The following MLLT3 variants were observed in gnomAD, a reference collection of about 807,000 sequenced individuals.
The protein encoded by MLLT3 is protein AF-9.
MLLT3 carries 4 observed loss-of-function variants against 53.2 expected under a neutral mutation model. The ratio of observed to expected loss-of-function variants is 0.08; its 90% CI spans 0.04 to 0.17. The LOEUF is 0.17. Ranked by LOEUF, MLLT3 falls within the 10% of genes least tolerant of loss-of-function variation. MLLT3 has a pLI of 1.00. For missense variants in MLLT3, 569 were observed against 684.0 expected (o/e 0.83, Z 1.87); for synonymous variants, 283 against 230.6 (o/e 1.23, Z -2.06).
chr9:20,428,560 A>T (rs565540842), intron 4 of MLLT3, among the ~76,000 whole-genome samples: 1 of 152,228 alleles, frequency 6.6e-6, no homozygotes, highest in South Asian at 2.1e-4. Context: ...TTAAAATAGG[A>T]CTTGAAAAAA....
Position 20,620,709 on chromosome 9 carries a change from G to C in MLLT3, c.138C>G (p.His46Gln). The C allele has an allele frequency of 6.2e-7, 1 of 1,614,192 alleles. No individual in the cohort carries two copies. The highest frequency in any genetic ancestry group is 8.5e-7 in the Non-Finnish European group (1 of 1,180,016). Residue 46 changes from histidine to glutamine, a missense_variant, in exon 2 of 11, where the codon CAC becomes CAG. Around this residue, in one of 5 missense-constraint regions of MLLT3, gnomAD observed 35 missense variants for 136.8 expected, o/e 0.26. Transcript: ENST00000380338. This position sits in a 1 kb window ranked among gnomAD's most constrained non-coding sequence, Gnocchi z 6.1. ...AGTGGAAGACGACTTTCTCCACAAA[G>C]TGCTGTATGTTACTGTGCTCCGGAC... ...VRGPEHSNIQHFVEKVVFHLH... is the reference protein window; with the variant it reads ...VRGPEHSNIQQFVEKVVFHLH...
intron 2 of MLLT3, among the ~76,000 whole-genome samples, chr9:20,618,903 G>A (rs1040453435): frequency 2.6e-5 from 4 of 152,098 alleles, no homozygotes; most frequent in African/African-American, 7.2e-5. Context: ...TACCTTAAGA[G>A]CTACATCTTC....
At chr9:20,556,865 C>T (rs1039365056) in intron 2 of MLLT3, among the ~76,000 whole-genome samples, 4 of 151,772 alleles carry the variant, frequency 2.6e-5, no homozygotes, top group African/African-American at 9.7e-5. Context: ...TGTAAAAGGC[C>T]TATTTTTAAA....
chr9:20,487,580 T>C (rs1267445512), intron 2 of MLLT3, among the ~76,000 whole-genome samples: 2 of 152,174 alleles, frequency 1.3e-5, no homozygotes, highest in East Asian at 1.9e-4. Flanking sequence ...ACAAGAAAGA[T>C]GGCCATTTCC....
intron 2 of MLLT3, among the ~76,000 whole-genome samples, chr9:20,553,096 C>G (rs571189835): frequency 3.0e-4 from 45 of 152,254 alleles, no homozygotes; most frequent in African/African-American, 9.9e-4. Flanking sequence ...TTCTTCACCA[C>G]CAGAGGTCAG....
intron 2 of MLLT3, among the ~76,000 whole-genome samples, chr9:20,564,101 G>A (rs558198368): frequency 1.3e-5 from 2 of 151,994 alleles, no homozygotes; most frequent in African/African-American, 2.4e-5. Flanking sequence ...CTAAATATAC[G>A]GGCCTATCTT....
intron 2 of MLLT3, among the ~76,000 whole-genome samples, chr9:20,506,232 G>C (rs1426961974): frequency 6.6e-6 from 1 of 152,112 alleles, no homozygotes; most frequent in African/African-American, 2.4e-5. Flanking sequence ...TTTGAGACGA[G>C]GTTTCTCCAT....
Position 20,414,301 on chromosome 9 carries a change from C to T in MLLT3, c.545G>A (p.Ser182Asn), listed in dbSNP as rs1278026103. ...ACTACTGCTGCTGCTGCTGCTGCTA[C>T]TGCTGCTGCTACTGCTGCTGCTGCT... is the stretch of plus-strand genomic sequence containing the variant. Reference protein sequence around the residue: ...SSSSSSSSSSSSSSSSSSSTS... With the variant: ...SSSSSSSSSSNSSSSSSSSTS... Residue 182 changes from serine to asparagine, a missense_variant, in exon 5 of 11, where the codon AGT becomes AAT. Coordinates refer to ENST00000380338, the MANE Select transcript of MLLT3 (RefSeq NM_004529.4). 1 of 1,610,710 alleles carries T rather than the reference C, an allele frequency of 6.2e-7. No individual in the cohort carries two copies. The highest frequency in any genetic ancestry group is 8.5e-7 in the Non-Finnish European group (1 of 1,178,688).
Position 20,438,780 on chromosome 9 carries a change from T to G in MLLT3, c.420+9343A>C, listed in dbSNP as rs139349300. Among the ~76,000 whole-genome samples, 137 of 152,198 alleles carry G rather than the reference T, an allele frequency of 9.0e-4. 1 individual carries two copies. Among genetic ancestry groups the G allele is most frequent in the African/African-American group, 3.2e-3 (131 of 41,518 alleles). Reference sequence around the variant, plus strand: ...CCATACGCATGGACTTCTGTCTATATTACCCATATAAATTCCTATCTTAAG... The same window carrying G: ...CCATACGCATGGACTTCTGTCTATAGTACCCATATAAATTCCTATCTTAAG... On this transcript the variant is annotated intron_variant, in intron 4 of 10. Transcript: ENST00000380338.
In MLLT3 at chr9:20,499,759, C is replaced by A. The variant is rs1444289726; in HGVS notation, c.194-42973G>T. Among the ~76,000 whole-genome samples the A allele has an allele frequency of 3.3e-5, 5 of 152,276 alleles. No individual in the cohort carries two copies. The East Asian group carries it at 5.8e-4, about 18-fold the overall frequency. ...CTTGTATGACTGTTTCTTTTAAGAT[C>A]TCTATTGTTCTGTCTCCAAATAGGG... is the stretch of plus-strand genomic sequence containing the variant. On this transcript the variant is annotated intron_variant, in intron 2 of 10. Transcript: ENST00000380338.
chr9:20,439,666 A>G (rs1586950282), intron 4 of MLLT3, among the ~76,000 whole-genome samples: 1 of 152,178 alleles, frequency 6.6e-6, no homozygotes, highest in African/African-American at 2.4e-5. Flanking sequence ...CAGAAAGTTT[A>G]TATCAATCCT....
intron 10 of MLLT3, among the ~76,000 whole-genome samples, chr9:20,347,384 GA>G (rs1329991430): frequency 6.6e-6 from 1 of 152,098 alleles, no homozygotes; most frequent in Non-Finnish European, 1.5e-5. Context: ...ATATTATCTA[GA>G]AAAAGAAAGG....
At chr9:20,416,242 G>C (rs1366018000) in intron 4 of MLLT3, among the ~76,000 whole-genome samples, 1 of 151,858 alleles carries the variant, frequency 6.6e-6, no homozygotes, top group Non-Finnish European at 1.5e-5. Flanking sequence ...TTGACTTACT[G>C]ATTTTTGAAA....
At chr9:20,423,878 A>C (rs567515877) in intron 4 of MLLT3, among the ~76,000 whole-genome samples, 1 of 152,150 alleles carries the variant, frequency 6.6e-6, no homozygotes, top group East Asian at 1.9e-4. Flanking sequence ...CAGGAGGATC[A>C]CTTGTGCCTA....
intron 3 of MLLT3, among the ~76,000 whole-genome samples, chr9:20,452,648 G>T (rs1823867136): frequency 6.6e-6 from 1 of 152,134 alleles, no homozygotes; most frequent in Non-Finnish European, 1.5e-5. Context: ...ACACTCTGAA[G>T]CAAGAGCCTA....
intron 4 of MLLT3, among the ~76,000 whole-genome samples, chr9:20,437,401 C>T (rs867780936): frequency 2.6e-5 from 4 of 151,364 alleles, no homozygotes; most frequent in Non-Finnish European, 5.9e-5. Context: ...ATTAAGTGTA[C>T]GTATATAAGC....
chr9:20,622,081 A>AGGG (rs1821034684), intron 1 of MLLT3, 164 bp downstream of exon 1: 1 of 15,242 alleles, frequency 6.6e-5, no homozygotes. Flanking sequence ...GGGGTGGGGG[A>AGGG]GGAGGGGAGC....
intron 2 of MLLT3, among the ~76,000 whole-genome samples, chr9:20,602,111 G>A (rs957771082): frequency 2.0e-5 from 3 of 152,224 alleles, no homozygotes; most frequent in African/African-American, 4.8e-5. Context: ...TCCCCCTCAC[G>A]ATAATTTAAG....
At chr9:20,496,357 CT>C (rs1212156943) in intron 2 of MLLT3, among the ~76,000 whole-genome samples, 6 of 152,104 alleles carry the variant, frequency 3.9e-5, no homozygotes, top group African/African-American at 1.4e-4. Flanking sequence ...GGGATGCAGT[CT>C]CCCCATTGTT....
Sources: allele counts gnomAD v4.1 joint callset (sites outside exome capture counted in the v4.1 genomes callset), GRCh38; gene constraint gnomAD v4.1.1; regional missense constraint gnomAD v4.1.1; non-coding constraint Gnocchi (gnomAD v3.1); transcripts MANE v1.5; gene names NCBI Gene and HGNC (gene_info 2026-07-23, HGNC 2026-07-21).